KCNQ2: variants seen among roughly 807,000 people sequenced by gnomAD.
The protein encoded by KCNQ2 is potassium voltage-gated channel subfamily Q member 2, also known as potassium voltage-gated channel subfamily KQT member 2.
KCNQ2 carries 14 observed loss-of-function variants against 84.8 expected under a neutral mutation model. The ratio of observed to expected loss-of-function variants is 0.17; its 90% CI spans 0.11 to 0.26. KCNQ2 has a LOEUF of 0.26. Ranked by LOEUF, KCNQ2 falls within the 10% of genes least tolerant of loss-of-function variation. The pLI is 1.00. For missense variants in KCNQ2, 788 were observed against 1,254.0 expected, an observed-to-expected ratio of 0.63 and a Z score of 5.61; for synonymous variants, 599 against 554.1, an observed-to-expected ratio of 1.08 and a Z score of -1.14.
At chr20:63,469,393 C>G (rs2082154783) in intron 1 of KCNQ2, among the ~76,000 whole-genome samples, 1 of 152,350 alleles carries the variant, frequency 6.6e-6, no homozygotes, top group African/African-American at 2.4e-5. Flanking sequence ...GAGGCCACGG[C>G]TCCCACAGAG....
intron 12 of KCNQ2, among the ~76,000 whole-genome samples, chr20:63,416,666 G>C (rs1358951275): frequency 6.6e-6 from 1 of 152,146 alleles, no homozygotes; most frequent in Non-Finnish European, 1.5e-5. Flanking sequence ...CGGGCTCCCT[G>C]ATCCCACGGC....
rs554894444 is a variant in KCNQ2, at chr20:63,431,935, G to T, written c.1119-566C>A. Among the ~76,000 whole-genome samples the T allele has an allele frequency of 7.3e-5, 11 of 150,010 alleles. No individual in the cohort carries two copies. In the East Asian group the frequency reaches 1.4e-3, roughly 19 times the overall value. ...AGGGAAGGCCCCACCCTCAGGGAAGGCTCCACCCTCAGGGTAGGATCCACC... is the reference window on the plus strand; with the variant it reads ...AGGGAAGGCCCCACCCTCAGGGAAGTCTCCACCCTCAGGGTAGGATCCACC... On this transcript the variant is annotated intron_variant, in intron 8 of 16. Coordinates refer to ENST00000359125, the MANE Select transcript of KCNQ2 (RefSeq NM_172107.4).
At chr20:63,448,757 G>A (rs748322582) in intron 1 of KCNQ2, among the ~76,000 whole-genome samples, 5 of 152,202 alleles carry the variant, frequency 3.3e-5, no homozygotes, top group Admixed American at 6.5e-5. Context: ...CGGGCATCCT[G>A]GGGGAAGTCC....
intron 8 of KCNQ2, among the ~76,000 whole-genome samples, chr20:63,432,540 T>A (rs1453972146): frequency 0.013 from 544 of 42,242 alleles, no homozygotes; most frequent in Middle Eastern, 0.025. Flanking sequence ...CTCCACCCTC[T>A]GGGAAGGCCC....
intron 1 of KCNQ2, among the ~76,000 whole-genome samples, chr20:63,467,464 C>A (rs1909871312): frequency 6.6e-6 from 1 of 152,042 alleles, no homozygotes; most frequent in African/African-American, 2.4e-5. Context: ...AGCCTGGCTC[C>A]TCTACGGCTG....
intron 1 of KCNQ2, chr20:63,470,997 ATCT>A (rs2082201717): frequency 6.6e-6 from 1 of 152,124 alleles, no homozygotes; most frequent in African/African-American, 2.4e-5. Flanking sequence ...TCCCTCTGGG[ATCT>A]TCTCCCTACC....
At chr20:63,466,119 C>A (rs2145891195) in intron 1 of KCNQ2, among the ~76,000 whole-genome samples, 1 of 152,292 alleles carries the variant, frequency 6.6e-6, no homozygotes, top group Non-Finnish European at 1.5e-5. Context: ...TGGGAACACG[C>A]CGGAAGCCAC....
intron 1 of KCNQ2, among the ~76,000 whole-genome samples, chr20:63,452,515 A>G (rs2081643461): frequency 6.6e-6 from 1 of 152,244 alleles, no homozygotes; most frequent in African/African-American, 2.4e-5. Context: ...CCTGCACAGC[A>G]GCGTCGAGGC....
At chr20:63,424,508 C>G in intron 10 of KCNQ2, 1 of 489,978 alleles carries the variant, frequency 2.0e-6, no homozygotes, top group South Asian at 3.5e-5. Flanking sequence ...TCATTTTAAT[C>G]AGAACCACAC....
At position 63,406,106 on chromosome 20, in the gene KCNQ2, C is replaced by T. The variant is rs1265399534; in HGVS notation, c.*538G>A. 2 of 155,482 alleles carry T rather than the reference C, an allele frequency of 1.3e-5. No homozygotes were observed. Among genetic ancestry groups the T allele is most frequent in the East Asian group, 3.8e-4 (2 of 5,238 alleles). 9.6% of individuals were successfully genotyped at this position (155,482 alleles called of 1,614,324 possible). On this transcript the variant is annotated 3_prime_UTR_variant, in exon 17 of 17. Transcript: ENST00000359125. ...CCCTGAGGTGGGGAACAGGAAAGCC[C>T]GCCGGGCAGGTCAGGTGTGAAGGCA...
chr20:63,408,488 G>A lies in KCNQ2; in HGVS notation c.1812C>T (p.Arg604=), dbSNP rs2145497312. The stretch of plus-strand genomic sequence containing the variant: ...GCTCCGCCTCGGCCGGGCCCTTGGT[G>A]CGGTCCTTGTCCGTGATCGCTGGGC... ...GRGPAITDKD[R]TKGPAEAELP... Residue 604 remains arginine (R), a synonymous_variant, in exon 16 of 17, where the codon CGC becomes CGT. Transcript: ENST00000359125. This position sits in a 1 kb window ranked among gnomAD's most constrained non-coding sequence, Gnocchi z 5.0. The A allele has an allele frequency of 1.9e-6, 3 of 1,608,528 alleles. No individual in the cohort carries two copies. Among genetic ancestry groups the A allele is most frequent in the Non-Finnish European group, 2.5e-6 (3 of 1,178,400 alleles).
At chr20:63,457,947 G>A (rs974502408) in intron 1 of KCNQ2, among the ~76,000 whole-genome samples, 1 of 152,132 alleles carries the variant, frequency 6.6e-6, no homozygotes, top group Non-Finnish European at 1.5e-5. Flanking sequence ...CCCTGGAGAC[G>A]GAAGCTCCGC....
chr20:63,429,561 C>T (rs1313191064), intron 9 of KCNQ2, among the ~76,000 whole-genome samples: 3 of 152,148 alleles, frequency 2.0e-5, no homozygotes, highest in Non-Finnish European at 4.4e-5. Flanking sequence ...CCACATCCTC[C>T]AGACTCTTCA....
At chr20:63,441,634 T>A (rs1600763217) in intron 5 of KCNQ2, among the ~76,000 whole-genome samples, 1 of 110,604 alleles carries the variant, frequency 9.0e-6, no homozygotes, top group African/African-American at 3.7e-5. Flanking sequence ...GACCCTGTGG[T>A]GGGGCCTGAA....
In KCNQ2 at chr20:63,472,509, G is replaced by C. The variant is rs572005014; in HGVS notation, c.-46C>G. On this transcript the variant is annotated 5_prime_UTR_variant, in exon 1 of 17. Coordinates refer to ENST00000359125, the MANE Select transcript of KCNQ2 (RefSeq NM_172107.4). ...CCGGGTCGGGCTCAGGCTCAGCGGG[G>C]GCGGAGCGCGGGGGGCGGCGCGGGC... 8.1e-5 allele frequency: 111 copies of C among 1,375,416 alleles called. No homozygotes were observed. The Middle Eastern group carries it at 1.0e-3, about 13-fold the overall frequency. The allele number at this position is 1,375,416 out of a possible 1,614,324, so 85.2% of individuals were successfully genotyped here.
intron 1 of KCNQ2, chr20:63,463,992 C>T (rs1011438368): frequency 6.6e-6 from 1 of 152,140 alleles, no homozygotes; most frequent in Non-Finnish European, 1.5e-5. Context: ...CCACTCCCCG[C>T]CGGACTTCCT....
intron 1 of KCNQ2, chr20:63,458,972 G>A (rs2081879512): frequency 6.6e-6 from 1 of 152,334 alleles, no homozygotes; most frequent in Non-Finnish European, 1.5e-5. Context: ...CAAGAGGAAT[G>A]ACGAAATGTC....
chr20:63,419,649 G>C lies in KCNQ2; in HGVS notation c.1271C>G (p.Pro424Arg). The C allele has an allele frequency of 6.2e-7, 1 of 1,611,670 alleles. No homozygotes were observed. The highest frequency in any genetic ancestry group is 1.3e-5 in the African/African-American group (1 of 75,058). ...SPSKGSPCRG[P>R]LCGCCPGRSS... ...GCGTCCGGGGCAGCATCCACACAGG[G>C]GCCCTCTGCACGGGCTGCCTTTACT... Residue 424 changes from proline to arginine, a missense_variant, in exon 12 of 17, where the codon CCC (proline) becomes CGC (arginine). Physicochemically the swap from Pro to Arg is moderately radical, Grantham distance 103. Transcript: ENST00000359125.
rs904651783 is a variant in KCNQ2, at chr20:63,400,703, G to A, written c.*5941C>T. On this transcript the variant is annotated 3_prime_UTR_variant, in exon 17 of 17. Transcript: ENST00000359125. The surrounding 1 kb of genome is among the most constrained non-coding windows in gnomAD (Gnocchi z 8.7). ...ATGGCAGACTGCAATGGCGTGGGGC[G>A]CGGGCATGGCGGGCACACGTGGGCC... The A allele has an allele frequency of 8.8e-5, 35 of 398,468 alleles. No individual in the cohort carries two copies. Among genetic ancestry groups the A allele is most frequent in the Admixed American group, 3.5e-4 (8 of 22,722 alleles). 24.7% of individuals were successfully genotyped at this position (398,468 alleles called of 1,614,324 possible).
Sources: gnomAD v4.1 joint callset for allele counts (sites outside exome capture counted in the v4.1 genomes callset) on GRCh38, gnomAD v4.1.1 for gene constraint, Gnocchi (gnomAD v3.1) non-coding constraint, MANE v1.5 for transcripts, NCBI Gene and HGNC (gene_info 2026-07-23, HGNC 2026-07-21) for gene names.